Variants in KCNG3 observed in about 807,000 individuals in gnomAD.
The protein encoded by KCNG3 is voltage-gated potassium channel regulatory subunit KCNG3.
A neutral mutation model predicts 29.0 loss-of-function variants in KCNG3; 15 were observed. The ratio of observed to expected loss-of-function variants is 0.52; its 90% CI spans 0.35 to 0.80. The LOEUF is 0.80. Ranked by LOEUF, KCNG3 falls within the 30% of genes least tolerant of loss-of-function variation. The pLI is 0.01. For synonymous variants in KCNG3, 322 were observed against 248.9 expected (o/e 1.29, Z -2.76); for missense variants, 512 against 605.7 (o/e 0.85, Z 1.62).
intron 1 of KCNG3, among the ~76,000 whole-genome samples, chr2:42,482,889 G>A (rs1558388917): frequency 1.3e-5 from 2 of 152,194 alleles, no homozygotes; most frequent in East Asian, 3.9e-4. Flanking sequence ...GGGAGACCGA[G>A]ATACATGGAT....
At chr2:42,469,760 T>C (rs1393112895) in intron 1 of KCNG3, 3 of 161,824 alleles carry the variant, frequency 1.9e-5, no homozygotes, top group African/African-American at 7.2e-5. Flanking sequence ...AAAAATTTGA[T>C]AAATTTGTCT....
At chr2:42,489,163 T>C (rs1673809487) in intron 1 of KCNG3, among the ~76,000 whole-genome samples, 1 of 151,074 alleles carries the variant, frequency 6.6e-6, no homozygotes, top group African/African-American at 2.4e-5. Context: ...CACCTCGGCC[T>C]CCCAAAGTGC....
At chr2:42,488,031 C>G (rs563800173) in intron 1 of KCNG3, among the ~76,000 whole-genome samples, 1 of 152,158 alleles carries the variant, frequency 6.6e-6, no homozygotes, top group South Asian at 2.1e-4. Context: ...AATGTACTTA[C>G]AAATATATAA....
At position 42,492,998 on chromosome 2, in the gene KCNG3, C is replaced by G; in HGVS notation, c.504G>C (p.Leu168=). ...RRTFEEPTSS[L]AAQILASVSV... is the part of the protein sequence containing the mutation. ...ACACGCTAGCCAGGATCTGCGCGGC[C>G]AGCGACGACGTGGGCTCCTCGAAGG... The change falls in exon 1 of 2, where the codon CTG becomes CTC. Residue 168 remains leucine (L), a synonymous_variant. Transcript: ENST00000306078. 6 of 1,535,134 alleles carry G rather than the reference C, an allele frequency of 3.9e-6. No individual in the cohort carries two copies. Among genetic ancestry groups the G allele is most frequent in the Non-Finnish European group, 5.2e-6 (6 of 1,144,616 alleles).
At chr2:42,432,636 C>G in the KCNG3 span, among the ~76,000 whole-genome samples, 1 of 152,008 alleles carries the variant, frequency 6.6e-6, no homozygotes. Context: ...AGCAAGTAAT[C>G]TTTTATCTCT....
chr2:42,437,774 CTAAAA>C (rs1672399659), downstream of KCNG3, among the ~76,000 whole-genome samples: 1 of 151,794 alleles, frequency 6.6e-6, no homozygotes, highest in Non-Finnish European at 1.5e-5. Flanking sequence ...CCCATCTCTA[CTAAAA>C]ATACAGAAAT....
rs568036951 is a variant in KCNG3 at position 42,493,290 on chromosome 2, C to T, written c.212G>A (p.Gly71Asp). ...GCCGCGCACGTAGAGCAGGATGAAG[C>T]CGAAGGCCTCCGAGTGCCGGTCGAA... is the stretch of plus-strand genomic sequence containing the variant. ...YFFDRHSEAF[G>D]FILLYVRGHG... The change falls in exon 1 of 2, where the codon GGC (glycine) becomes GAC (aspartate). Residue 71 changes from glycine to aspartate, a missense_variant. Around this residue, in one of 5 missense-constraint regions of KCNG3, gnomAD observed 91 missense variants for 91.1 expected, o/e 1.00. Transcript: ENST00000306078. 5.0e-6 allele frequency: 8 copies of T among 1,611,634 alleles called. No individual in the cohort carries two copies. The highest frequency in any genetic ancestry group is 1.7e-4 in the Middle Eastern group (1 of 6,060).
chr2:42,414,217 A>G, the KCNG3 span, among the ~76,000 whole-genome samples: 8 of 152,096 alleles, frequency 5.3e-5, no homozygotes, highest in Non-Finnish European at 8.8e-5. Flanking sequence ...TTTTTCTTCT[A>G]GCCAAAGCAG....
At chr2:42,466,657 T>C (rs1673147660) in intron 1 of KCNG3, among the ~76,000 whole-genome samples, 3 of 152,030 alleles carry the variant, frequency 2.0e-5, no homozygotes, top group South Asian at 4.1e-4. Flanking sequence ...CACACGACTG[T>C]GTACTGTTGG....
At chr2:42,416,941 T>C in the KCNG3 span, among the ~76,000 whole-genome samples, 3 of 150,726 alleles carry the variant, frequency 2.0e-5, no homozygotes, top group Non-Finnish European at 3.0e-5. Flanking sequence ...CCCACAAATA[T>C]ATTAATTATA....
intron 1 of KCNG3, among the ~76,000 whole-genome samples, chr2:42,487,083 G>A (rs1572867083): frequency 6.6e-6 from 1 of 150,786 alleles, no homozygotes; most frequent in South Asian, 2.1e-4. Flanking sequence ...CTTGAACCCA[G>A]GAGGCAGAGG....
the KCNG3 span, among the ~76,000 whole-genome samples, chr2:42,407,602 C>T: frequency 1.3e-5 from 2 of 152,152 alleles, no homozygotes; most frequent in African/African-American, 4.8e-5. Context: ...GGCTGTGGAC[C>T]CAGGCCTCCT....
chr2:42,413,980 C>T, the KCNG3 span, among the ~76,000 whole-genome samples: 1 of 152,186 alleles, frequency 6.6e-6, no homozygotes, highest in Admixed American at 6.5e-5. Flanking sequence ...TAAAGCTAAC[C>T]AGTATTTCTG....
At chr2:42,431,185 T>C in the KCNG3 span, among the ~76,000 whole-genome samples, 1 of 152,112 alleles carries the variant, frequency 6.6e-6, no homozygotes, top group Non-Finnish European at 1.5e-5. Context: ...CTAGGAGTTG[T>C]AGCCATTATT....
the KCNG3 span, among the ~76,000 whole-genome samples, chr2:42,432,713 G>A: frequency 1.5e-3 from 221 of 152,264 alleles, no homozygotes; most frequent in African/African-American, 5.1e-3. Flanking sequence ...GGTTAATGAA[G>A]AGAATCAGTT....
At chr2:42,440,276 G>A (rs1339266672), downstream of KCNG3, 3 of 152,008 alleles carry the variant, frequency 2.0e-5, no homozygotes, top group African/African-American at 7.2e-5. Context: ...ATTTATGAAG[G>A]GTCAGAGGAC....
Position 42,443,759 on chromosome 2 carries a change from T to G in KCNG3, c.*175A>C. 3.5e-6 allele frequency: 2 copies of G among 576,338 alleles called. No homozygotes were observed. The highest frequency in any genetic ancestry group is 6.9e-5 in the Admixed American group (2 of 28,834). 35.7% of individuals were successfully genotyped at this position (576,338 alleles called of 1,614,324 possible). On this transcript the variant is annotated 3_prime_UTR_variant, in exon 2 of 2. Coordinates refer to ENST00000306078, the MANE Select transcript of KCNG3 (RefSeq NM_133329.6). ...ATTATTCTTCCTTTGCAGTCTCAAT[T>G]CTATTTACTCCATAACAAGTAAACT...
chr2:42,461,035 T>A (rs919306824), intron 1 of KCNG3, among the ~76,000 whole-genome samples: 2 of 151,456 alleles, frequency 1.3e-5, no homozygotes, highest in African/African-American at 4.9e-5. Flanking sequence ...GCAGCATGCG[T>A]CTGTAGTCCC....
chr2:42,389,304 G>A, the KCNG3 span, among the ~76,000 whole-genome samples: 8 of 152,088 alleles, frequency 5.3e-5, no homozygotes, highest in Non-Finnish European at 1.2e-4. Context: ...CCCCAACATC[G>A]CTGTTAGTAA....
Sources: allele counts gnomAD v4.1 joint callset (sites outside exome capture counted in the v4.1 genomes callset), GRCh38; gene constraint gnomAD v4.1.1; regional missense constraint gnomAD v4.1.1; transcripts MANE v1.5; gene names NCBI Gene and HGNC (gene_info 2026-07-23, HGNC 2026-07-21).